Variants in INTS12 observed in about 807,000 individuals in gnomAD.
The protein encoded by INTS12 is integrator complex subunit 12, also known as PHD finger protein 22.
Under a neutral mutation model 41.6 loss-of-function variants are expected in INTS12, and 13 were observed. The observed-to-expected ratio is 0.31, with a 90% CI of 0.20 to 0.50. The LOEUF (loss-of-function observed/expected upper bound fraction) is 0.50, where lower values mean the gene tolerates loss of function less well. Ranked by LOEUF, INTS12 falls within the 20% of genes least tolerant of loss-of-function variation. The pLI, the probability that INTS12 is intolerant of heterozygous loss-of-function variation, is 0.98. For missense variants in INTS12, 432 were observed against 541.6 expected (o/e 0.80, Z 2.01); for synonymous variants, 199 against 191.4 (o/e 1.04, Z -0.33).
Position 105,684,795 on chromosome 4 carries a change from T to A in INTS12, c.805-1478A>T, listed in dbSNP as rs138257061. ...ACCTAATTTTTTTTCCTTTTCTTGC[T>A]ATTAAACATAAAACTGTCTGCCATA... On this transcript the variant is annotated intron_variant, in intron 7 of 7. Transcript: ENST00000340139. Among the ~76,000 whole-genome samples the A allele has an allele frequency of 4.2e-3, 644 of 152,216 alleles. 7 individuals are homozygous for A. The highest frequency in any genetic ancestry group is 0.015 in the African/African-American group (606 of 41,570).
intron 1 of INTS12, chr4:105,706,557 C>T (rs1260283945): frequency 6.6e-6 from 1 of 152,060 alleles, no homozygotes; most frequent in Non-Finnish European, 1.5e-5. Context: ...AATTTGAATC[C>T]CATGTTTCCA....
intron 2 of INTS12, among the ~76,000 whole-genome samples, chr4:105,701,519 C>G (rs1283595878): frequency 6.6e-6 from 1 of 152,054 alleles, no homozygotes; most frequent in Non-Finnish European, 1.5e-5. Flanking sequence ...AAAATTTACT[C>G]ATGGGGCTGG....
chr4:105,686,716 T>C lies in INTS12; in HGVS notation c.780A>G (p.Leu260=), dbSNP rs558661431. ...ETKLKQETTF[L]AFKRTEVKTS... is the part of the protein sequence containing the mutation. ...CCTTGACTTCTGTTCTCTTAAACGCTAGAAAAGTTGTCTCTTGTTTCAGTT... is the reference window on the plus strand; with the variant it reads ...CCTTGACTTCTGTTCTCTTAAACGCCAGAAAAGTTGTCTCTTGTTTCAGTT... Residue 260 remains leucine (L), a synonymous_variant, in exon 7 of 8, where the codon CTA becomes CTG. Coordinates refer to ENST00000340139, the MANE Select transcript of INTS12 (RefSeq NM_020395.4). 2.5e-5 allele frequency: 41 copies of C among 1,613,038 alleles called. No homozygotes were observed. The South Asian group carries it at 4.2e-4, about 16-fold the overall frequency.
chr4:105,689,408 C>T (rs1213828462), intron 6 of INTS12, among the ~76,000 whole-genome samples: 2 of 152,172 alleles, frequency 1.3e-5, no homozygotes, highest in East Asian at 3.8e-4. Context: ...TATTTAGAAT[C>T]CCCACTGTTC....
chr4:105,695,488 T>C, intron 4 of INTS12, 28 bp downstream of exon 4: 1 of 1,560,654 alleles, frequency 6.4e-7, no homozygotes, highest in South Asian at 1.2e-5. Context: ...ATTTACTTTC[T>C]TTTAACAAGA....
rs115302648 is a variant in INTS12 at position 105,683,007 on chromosome 4, C to A, written c.1115G>T (p.Gly372Val). ...GTCACAACTAACTGAGCGACTAAGG[C>A]CAGTTTTACCCAAGGTTAGAGGTGG... ...PPPPLTLGKT[G>V]LSRSVSCDNV... is the part of the protein sequence containing the mutation. The change falls in exon 8 of 8, where the codon GGC (glycine) becomes GTC (valine). Residue 372 changes from glycine (G) to valine (V), a missense_variant. Coordinates refer to ENST00000340139, the MANE Select transcript of INTS12 (RefSeq NM_020395.4). 7,557 of 1,614,102 alleles carry A rather than the reference C, an allele frequency of 4.7e-3. 21 individuals are homozygous for A. Among genetic ancestry groups the A allele is most frequent in the Middle Eastern group, 0.013 (77 of 6,062 alleles).
At chr4:105,706,622 C>A (rs529486664) in intron 1 of INTS12, among the ~76,000 whole-genome samples, 3 of 152,200 alleles carry the variant, frequency 2.0e-5, no homozygotes, top group African/African-American at 7.2e-5. Context: ...AATTCAGTTA[C>A]AACTAAAATT....
chr4:105,685,234 C>A (rs1250019643), intron 7 of INTS12, among the ~76,000 whole-genome samples: 2 of 151,960 alleles, frequency 1.3e-5, no homozygotes, highest in East Asian at 3.9e-4. Flanking sequence ...AAACACAAAA[C>A]CTCTTAATCA....
chr4:105,693,115 G>A (rs1438403031), intron 5 of INTS12, among the ~76,000 whole-genome samples, 184 bp downstream of exon 5: 1 of 152,116 alleles, frequency 6.6e-6, no homozygotes, highest in African/African-American at 2.4e-5. Context: ...CAAAATAGTT[G>A]ACAATTTTCA....
chr4:105,686,588 C>A, intron 7 of INTS12, 104 bp downstream of exon 7: 1 of 753,162 alleles, frequency 1.3e-6, no homozygotes, highest in Non-Finnish European at 2.1e-6. Context: ...AAAATATAGC[C>A]ATTTAGTATA....
chr4:105,694,978 G>A (rs536704706), intron 4 of INTS12, among the ~76,000 whole-genome samples: 2 of 151,998 alleles, frequency 1.3e-5, no homozygotes, highest in African/African-American at 4.8e-5. Context: ...AGGCTGGAGT[G>A]CAGTGGCACG....
intron 1 of INTS12, among the ~76,000 whole-genome samples, chr4:105,704,516 T>A (rs1041555862): frequency 2.6e-5 from 4 of 152,232 alleles, no homozygotes; most frequent in African/African-American, 9.6e-5. Context: ...GGCAATTCTA[T>A]CTACTCTAAA....
At chr4:105,707,398 T>A (rs2149196470) in intron 1 of INTS12, among the ~76,000 whole-genome samples, 1 of 152,248 alleles carries the variant, frequency 6.6e-6, no homozygotes, top group African/African-American at 2.4e-5. Flanking sequence ...TTTATCTTTT[T>A]GCCTATCTCT....
chr4:105,694,448 C>T (rs1310768027), intron 4 of INTS12, among the ~76,000 whole-genome samples: 3 of 152,070 alleles, frequency 2.0e-5, no homozygotes, highest in Non-Finnish European at 4.4e-5. Flanking sequence ...GTCTCAGCCT[C>T]CTGAGGTGCT....
intron 2 of INTS12, among the ~76,000 whole-genome samples, chr4:105,702,329 G>T (rs552647570): frequency 5.3e-5 from 8 of 151,462 alleles, no homozygotes; most frequent in African/African-American, 1.9e-4. Context: ...GTACAGACGG[G>T]GTTTCATCAT....
chr4:105,686,804 G>T lies in INTS12; in HGVS notation c.692C>A (p.Ala231Asp). 1 of 1,613,726 alleles carries T rather than the reference G, an allele frequency of 6.2e-7. No individual in the cohort carries two copies. The highest frequency in any genetic ancestry group is 2.2e-5 in the East Asian group (1 of 44,834). Residue 231 changes from alanine to aspartate, a missense_variant, in exon 7 of 8, where the codon GCC becomes GAC. Transcript: ENST00000340139. ...QKTQKPPQKP[A>D]PAVVSVTPAV... Reference sequence around the variant, plus strand: ...TGGAGTTACAGAAACAACTGCAGGGGCTGGTTTCTGCGGTGGTTTCTGAGT... The same window carrying T: ...TGGAGTTACAGAAACAACTGCAGGGTCTGGTTTCTGCGGTGGTTTCTGAGT...
chr4:105,703,442 A>G (rs1732154010), intron 2 of INTS12, among the ~76,000 whole-genome samples: 1 of 152,124 alleles, frequency 6.6e-6, no homozygotes, highest in Non-Finnish European at 1.5e-5. Context: ...TTTTTTCTGT[A>G]TCTCTTATTA....
chr4:105,695,731 A>G, intron 3 of INTS12, 63 bp from the exon 4 acceptor site: 2 of 1,281,726 alleles, frequency 1.6e-6, no homozygotes, highest in Non-Finnish European at 2.2e-6. Context: ...AAAAAAGATC[A>G]TTAATATAAA....
intron 7 of INTS12, among the ~76,000 whole-genome samples, chr4:105,685,560 T>G (rs1560773004): frequency 6.6e-6 from 1 of 152,144 alleles, no homozygotes; most frequent in Non-Finnish European, 1.5e-5. Context: ...TTCATATTCT[T>G]TTTCATCACA....
Sources: gnomAD v4.1 joint callset for allele counts (sites outside exome capture counted in the v4.1 genomes callset) on GRCh38, gnomAD v4.1.1 for gene constraint, MANE v1.5 for transcripts, NCBI Gene and HGNC (gene_info 2026-07-23, HGNC 2026-07-21) for gene names.